Variants in DLG2 observed in about 807,000 individuals in gnomAD.
DLG2 encodes the protein discs large MAGUK scaffold protein 2, also known as disks large homolog 2.
Under a neutral mutation model 132.5 loss-of-function variants are expected in DLG2, and 45 were observed. The ratio of observed to expected loss-of-function variants is 0.34; its 90% CI spans 0.27 to 0.44. DLG2 has a LOEUF of 0.44. DLG2 is among the 20% of genes least tolerant of loss of function. DLG2 has a pLI of 1.00. For missense variants in DLG2, 1,045 were observed against 1,196.9 expected (o/e 0.87, Z 1.87); for synonymous variants, 424 against 419.6 (o/e 1.01, Z -0.13).
chr11:84,875,427 C>G (rs1299079616), intron 6 of DLG2, among the ~76,000 whole-genome samples: 1 of 151,648 alleles, frequency 6.6e-6, no homozygotes, highest in Non-Finnish European at 1.5e-5. Context: ...AAAATGTACA[C>G]ATGGACATGA....
intron 18 of DLG2, among the ~76,000 whole-genome samples, chr11:83,637,832 G>A (rs1457504464): frequency 6.6e-6 from 1 of 152,046 alleles, no homozygotes; most frequent in Admixed American, 6.6e-5. Context: ...AAACCTCAGG[G>A]TCTATCATTC....
chr11:84,414,001 C>G (rs1446942932), intron 7 of DLG2, among the ~76,000 whole-genome samples: 2 of 152,058 alleles, frequency 1.3e-5, no homozygotes, highest in Non-Finnish European at 2.9e-5. Flanking sequence ...AAAACCCAAG[C>G]CAATTCGACA....
intron 18 of DLG2, among the ~76,000 whole-genome samples, chr11:83,727,140 A>G (rs1318336241): frequency 6.6e-6 from 1 of 152,160 alleles, no homozygotes; most frequent in African/African-American, 2.4e-5. Flanking sequence ...CAAACTGAAC[A>G]AGCTTATTTT....
chr11:85,098,256 C>T (rs572921363), intron 6 of DLG2, among the ~76,000 whole-genome samples: 21 of 152,260 alleles, frequency 1.4e-4, no homozygotes, highest in East Asian at 1.9e-4. Flanking sequence ...TATAGTGCAA[C>T]GAAGAATAAA....
rs574865274 is a variant in DLG2 at position 84,850,292 on chromosome 11, C to A, written c.357+261369G>T. Among the ~76,000 whole-genome samples the A allele has an allele frequency of 5.0e-4, 76 of 152,186 alleles. 1 individual carries two copies. The East Asian group carries it at 0.011, about 22-fold the overall frequency. ...ATTATTTCCCCAAATGGCAGTTGAA[C>A]AGAGAGAAGTCTGAAGACTTAGAGG... On this transcript the variant is annotated intron_variant, in intron 6 of 27. Transcript: ENST00000376104.
chr11:84,622,394 A>G (rs1382908161), intron 6 of DLG2, among the ~76,000 whole-genome samples: 1 of 152,194 alleles, frequency 6.6e-6, no homozygotes, highest in Non-Finnish European at 1.5e-5. Flanking sequence ...GATATTGGGT[A>G]TTACGAGTGT....
chr11:85,118,068 G>T (rs1453042137), intron 5 of DLG2, among the ~76,000 whole-genome samples: 2 of 151,942 alleles, frequency 1.3e-5, no homozygotes, highest in Admixed American at 6.6e-5. Context: ...ATTCAACTTT[G>T]GGCATATTCC....
chr11:84,734,267 G>T (rs1448203345), intron 6 of DLG2, among the ~76,000 whole-genome samples: 1 of 152,026 alleles, frequency 6.6e-6, no homozygotes, highest in Non-Finnish European at 1.5e-5. Flanking sequence ...TTCCTATCCA[G>T]GAGCATGGAA....
At chr11:84,941,287 G>A (rs1480186452) in intron 6 of DLG2, among the ~76,000 whole-genome samples, 1 of 152,128 alleles carries the variant, frequency 6.6e-6, no homozygotes, top group Non-Finnish European at 1.5e-5. Context: ...TTTTGATAGG[G>A]ATTTCACTGA....
At chr11:83,991,086 CA>C (rs1040233030) in intron 11 of DLG2, among the ~76,000 whole-genome samples, 7 of 151,690 alleles carry the variant, frequency 4.6e-5, no homozygotes, top group South Asian at 4.2e-4. Context: ...TAACAAATAC[CA>C]AAAAAAAGTA....
At chr11:84,023,207 C>G (rs546577745) in intron 11 of DLG2, among the ~76,000 whole-genome samples, 28 of 152,128 alleles carry the variant, frequency 1.8e-4, no homozygotes, top group African/African-American at 6.0e-4. Context: ...AAACAAAAAA[C>G]AGTTCTTAAA....
intron 19 of DLG2, among the ~76,000 whole-genome samples, chr11:83,616,079 A>T (rs1014106916): frequency 6.6e-6 from 1 of 152,114 alleles, no homozygotes; most frequent in Non-Finnish European, 1.5e-5. Context: ...ATCTGCTATT[A>T]TTGATTTTCA....
At chr11:84,688,147 T>C (rs1444065609) in intron 6 of DLG2, among the ~76,000 whole-genome samples, 1 of 152,090 alleles carries the variant, frequency 6.6e-6, no homozygotes, top group East Asian at 1.9e-4. Flanking sequence ...CATGAAACAT[T>C]ATAAAGCATA....
At chr11:85,627,597 A>G (rs1420124327), upstream of DLG2, 1 of 152,226 alleles carries the variant, frequency 6.6e-6, no homozygotes, top group Non-Finnish European at 1.5e-5. Context: ...AGCATAAGCT[A>G]TGTAAACGGT....
intron 18 of DLG2, among the ~76,000 whole-genome samples, chr11:83,635,822 T>A (rs1157505613): frequency 6.6e-6 from 1 of 152,172 alleles, no homozygotes; most frequent in Non-Finnish European, 1.5e-5. Context: ...CTTTTTGCTA[T>A]CACAAACAGG....
At chr11:85,124,917 G>A (rs140379565) in intron 5 of DLG2, among the ~76,000 whole-genome samples, 2,954 of 151,284 alleles carry the variant, frequency 0.02, 52 homozygotes, top group Admixed American at 0.041. Context: ...TGCAAGCTCC[G>A]CCTCCCAGGT....
chr11:84,126,707 C>T (rs1474098003), intron 9 of DLG2, among the ~76,000 whole-genome samples: 1 of 152,096 alleles, frequency 6.6e-6, no homozygotes, highest in Non-Finnish European at 1.5e-5. Flanking sequence ...AACAATTTTG[C>T]CTATCAAACT....
chr11:84,549,965 A>G (rs1486590281), intron 6 of DLG2, among the ~76,000 whole-genome samples: 2 of 152,084 alleles, frequency 1.3e-5, no homozygotes, highest in East Asian at 3.9e-4. Flanking sequence ...CATGTAGGCC[A>G]GGCTGGCCTC....
chr11:85,256,147 CT>C (rs2076652520), intron 4 of DLG2, among the ~76,000 whole-genome samples: 1 of 152,182 alleles, frequency 6.6e-6, no homozygotes, highest in South Asian at 2.1e-4. Flanking sequence ...GCCACGCCCC[CT>C]ATCCTGTACC....
Sources: gnomAD v4.1 joint callset for allele counts (sites outside exome capture counted in the v4.1 genomes callset) on GRCh38, gnomAD v4.1.1 for gene constraint, MANE v1.5 for transcripts, NCBI Gene and HGNC (gene_info 2026-07-23, HGNC 2026-07-21) for gene names.